PPARGC1A: variants seen among roughly 807,000 people sequenced by gnomAD.
PPARGC1A encodes peroxisome proliferator-activated receptor gamma coactivator 1-alpha.
In PPARGC1A, 25 loss-of-function variants were observed where a neutral mutation model predicts 88.7. The ratio of observed to expected loss-of-function variants is 0.28; its 90% confidence interval spans 0.21 to 0.39. PPARGC1A has a LOEUF of 0.39. PPARGC1A is among the 10% of genes least tolerant of loss of function. The pLI is 1.00. For missense variants in PPARGC1A, 880 were observed against 968.7 expected (o/e 0.91, Z 1.22); for synonymous variants, 363 against 355.6 (o/e 1.02, Z -0.24).
chr4:24,004,702 T>C, the PPARGC1A span, among the ~76,000 whole-genome samples: 1 of 152,180 alleles, frequency 6.6e-6, no homozygotes, highest in South Asian at 2.1e-4. Context: ...AATTCAACAG[T>C]TGAAGAACAA....
At chr4:24,141,274 G>C in the PPARGC1A span, among the ~76,000 whole-genome samples, 1 of 152,246 alleles carries the variant, frequency 6.6e-6, no homozygotes, top group African/African-American at 2.4e-5. Flanking sequence ...GCGGCCTCAG[G>C]TTTCACATGA....
chr4:24,035,228 A>C, the PPARGC1A span, among the ~76,000 whole-genome samples: 1 of 152,204 alleles, frequency 6.6e-6, no homozygotes, highest in Admixed American at 6.5e-5. Flanking sequence ...TCATTACATA[A>C]TAGAAACAAT....
At chr4:24,054,816 TA>T in the PPARGC1A span, among the ~76,000 whole-genome samples, 1 of 152,190 alleles carries the variant, frequency 6.6e-6, no homozygotes, top group Non-Finnish European at 1.5e-5. Flanking sequence ...GAAACAGTCA[TA>T]AAATGAGTAA....
chr4:23,925,711 T>C, the PPARGC1A span, among the ~76,000 whole-genome samples: 1 of 152,272 alleles, frequency 6.6e-6, no homozygotes, highest in South Asian at 2.1e-4. Flanking sequence ...AGGGGTAAGA[T>C]GTGAGGAGGT....
At chr4:24,157,516 C>T in the PPARGC1A span, among the ~76,000 whole-genome samples, 1 of 152,142 alleles carries the variant, frequency 6.6e-6, no homozygotes, top group Non-Finnish European at 1.5e-5. Context: ...TTTCTCTGAA[C>T]TCCTGCATAT....
the PPARGC1A span, among the ~76,000 whole-genome samples, chr4:24,329,468 C>A: frequency 2.0e-5 from 3 of 152,124 alleles, no homozygotes; most frequent in African/African-American, 7.2e-5. Context: ...ACAATGGCCA[C>A]CACTCTGGTT....
At chr4:24,219,252 G>A in the PPARGC1A span, among the ~76,000 whole-genome samples, 809 of 152,294 alleles carry the variant, frequency 5.3e-3, 5 homozygotes, top group Non-Finnish European at 9.0e-3. Flanking sequence ...ACACCAACGG[G>A]GTGGTCACAC....
the PPARGC1A span, among the ~76,000 whole-genome samples, chr4:24,150,124 T>C: frequency 2.0e-5 from 3 of 152,248 alleles, no homozygotes; most frequent in South Asian, 6.2e-4. Context: ...AAATCAGTAG[T>C]GCAAACAAGG....
At chr4:24,038,990 AATTAC>A in the PPARGC1A span, among the ~76,000 whole-genome samples, 13 of 152,140 alleles carry the variant, frequency 8.5e-5, no homozygotes, top group Non-Finnish European at 1.6e-4. Context: ...TACACAATTT[AATTAC>A]ATTCACGAAA....
At chr4:23,989,949 C>A in the PPARGC1A span, among the ~76,000 whole-genome samples, 3 of 148,438 alleles carry the variant, frequency 2.0e-5, no homozygotes, top group South Asian at 6.3e-4. Flanking sequence ...TTTGTACCTA[C>A]CATGAATGCT....
chr4:24,091,979 G>T, the PPARGC1A span, among the ~76,000 whole-genome samples: 2 of 148,576 alleles, frequency 1.3e-5, no homozygotes, highest in Non-Finnish European at 3.0e-5. Context: ...ACCAGAATTT[G>T]CATTGTTCTG....
chr4:23,811,849 A>G (rs1720946834), intron 10 of PPARGC1A, among the ~76,000 whole-genome samples: 1 of 146,344 alleles, frequency 6.8e-6, no homozygotes, highest in Non-Finnish European at 1.5e-5. Context: ...GGGTGTGTCA[A>G]TTACCCAGTT....
At chr4:23,906,474 A>G (rs1402285891), upstream of PPARGC1A, among the ~76,000 whole-genome samples, 1 of 151,730 alleles carries the variant, frequency 6.6e-6, no homozygotes, top group African/African-American at 2.4e-5. Context: ...TTAGCTGGGC[A>G]TGGTGGTGCA....
At chr4:24,455,728 G>T in the PPARGC1A span, among the ~76,000 whole-genome samples, 1 of 152,156 alleles carries the variant, frequency 6.6e-6, no homozygotes, top group Non-Finnish European at 1.5e-5. Flanking sequence ...TTATAAGAGG[G>T]AGCTCACCTC....
the PPARGC1A span, among the ~76,000 whole-genome samples, chr4:24,081,171 T>A: frequency 1.3e-5 from 2 of 152,154 alleles, no homozygotes; most frequent in African/African-American, 4.8e-5. Context: ...TCTAAGAGTT[T>A]TGGTATTATT....
intron 2 of PPARGC1A, among the ~76,000 whole-genome samples, chr4:23,859,713 G>A (rs1301694632): frequency 2.0e-5 from 3 of 151,726 alleles, no homozygotes; most frequent in African/African-American, 4.8e-5. Context: ...CCTGGGAGGT[G>A]GAGCTTGCAG....
At chr4:24,002,095 C>CAGAGAGAGAGAGAGAGAGAG in the PPARGC1A span, among the ~76,000 whole-genome samples, 9 of 116,836 alleles carry the variant, frequency 7.7e-5, no homozygotes, top group South Asian at 6.0e-4. Flanking sequence ...CACACACACA[C>CAGAGAGAGAGAGAGAGAGAG]ACAGAGAGAG....
the PPARGC1A span, among the ~76,000 whole-genome samples, chr4:24,393,759 A>G: frequency 1.3e-5 from 2 of 152,182 alleles, no homozygotes; most frequent in Non-Finnish European, 2.9e-5. Context: ...TATTTGCTTA[A>G]CGTTCTTTTT....
intron 1 of PPARGC1A, among the ~76,000 whole-genome samples, chr4:23,895,976 GTGTGTATATA>G (rs761981537): frequency 0.14 from 5,084 of 37,654 alleles, 154 homozygotes; most frequent in African/African-American, 0.23. Flanking sequence ...GTGTGTGTGT[GTGTGTATATA>G]TATATACACA....
Sources: gnomAD v4.1 joint callset for allele counts (sites outside exome capture counted in the v4.1 genomes callset) on GRCh38, gnomAD v4.1.1 for gene constraint, MANE v1.5 for transcripts, NCBI Gene and HGNC (gene_info 2026-07-23, HGNC 2026-07-21) for gene names.